ZNF445: variants seen among roughly 807,000 people sequenced by gnomAD.
ZNF445 encodes zinc finger protein 445.
ZNF445 carries 19 observed loss-of-function variants against 93.9 expected under a neutral mutation model. The observed-to-expected ratio is 0.20, with a 90% CI of 0.14 to 0.30. The LOEUF (loss-of-function observed/expected upper bound fraction) is 0.30, where lower values mean the gene tolerates loss of function less well. ZNF445 is among the 10% of genes least tolerant of loss of function. The probability of loss-of-function intolerance (pLI) is 1.00; values close to 1 mark genes in which losing one functional copy is unlikely to be tolerated. For synonymous variants in ZNF445, 449 were observed against 446.3 expected, an observed-to-expected ratio of 1.01 and a Z score of -0.08; for missense variants, 1,058 against 1,259.4, an observed-to-expected ratio of 0.84 and a Z score of 2.42.
intron 1 of ZNF445, among the ~76,000 whole-genome samples, chr3:44,463,138 G>T (rs982304435): frequency 7.9e-5 from 12 of 152,022 alleles, no homozygotes; most frequent in Non-Finnish European, 4.4e-5. Flanking sequence ...CCAGGCTCAA[G>T]AGATTCTTCT....
intron 6 of ZNF445, 78 bp from the exon 7 acceptor site, chr3:44,449,701 T>C (rs192459015): frequency 8.2e-7 from 1 of 1,219,964 alleles, no homozygotes; most frequent in Non-Finnish European, 1.2e-6. Context: ...GGGCCTGAAG[T>C]CCTGGTGGGA....
In ZNF445 at chr3:44,435,445, A is replaced by C. The variant is rs1697658374; in HGVS notation, c.*11130T>G. 1 of 152,202 alleles carries C rather than the reference A, an allele frequency of 6.6e-6. No homozygotes were observed. The highest frequency in any genetic ancestry group is 6.5e-5 in the Admixed American group (1 of 15,276). 9.4% of individuals were successfully genotyped at this position (152,202 alleles called of 1,614,324 possible). On this transcript the variant is annotated 3_prime_UTR_variant, in exon 8 of 8. Transcript: ENST00000396077. ...ATGTGGAAACAGCACCTGCACTTGGAATCACTAGTTAATTAAGTTTACAAT... is the reference window on the plus strand; with the variant it reads ...ATGTGGAAACAGCACCTGCACTTGGCATCACTAGTTAATTAAGTTTACAAT...
At chr3:44,461,342 G>A (rs959532752) in intron 1 of ZNF445, among the ~76,000 whole-genome samples, 3 of 150,082 alleles carry the variant, frequency 2.0e-5, no homozygotes, top group Non-Finnish European at 4.4e-5. Flanking sequence ...ACTCAATCAG[G>A]AAGATTTCGA....
chr3:44,443,451 T>C lies in ZNF445; in HGVS notation c.*3124A>G, dbSNP rs1489887664. 6.6e-6 allele frequency: 1 copy of C among 152,196 alleles called. No individual in the cohort carries two copies. The highest frequency in any genetic ancestry group is 1.5e-5 in the Non-Finnish European group (1 of 68,036). 9.4% of individuals were successfully genotyped at this position (152,196 alleles called of 1,614,324 possible). On this transcript the variant is annotated 3_prime_UTR_variant, in exon 8 of 8. Coordinates refer to ENST00000396077, the MANE Select transcript of ZNF445 (RefSeq NM_181489.6). ...TTTCTGTTCTTTTGGCCGGGCACAG[T>C]GGCTCACACCTGTAATCCCAGCATT...
chr3:44,475,700 T>C (rs866003959), intron 1 of ZNF445, among the ~76,000 whole-genome samples: 5 of 152,104 alleles, frequency 3.3e-5, no homozygotes, highest in Non-Finnish European at 7.4e-5. Flanking sequence ...AGCTGCTACA[T>C]AGTAATATAA....
intron 1 of ZNF445, among the ~76,000 whole-genome samples, chr3:44,469,300 C>G (rs1698234676): frequency 6.6e-6 from 1 of 152,180 alleles, no homozygotes; most frequent in African/African-American, 2.4e-5. Context: ...AAGATCCAGC[C>G]ACTTGCAATG....
At chr3:44,461,836 G>C (rs1290792421) in intron 1 of ZNF445, among the ~76,000 whole-genome samples, 1 of 152,246 alleles carries the variant, frequency 6.6e-6, no homozygotes, top group African/African-American at 2.4e-5. Context: ...AAACAGGAAA[G>C]AGTGACTTTC....
intron 1 of ZNF445, among the ~76,000 whole-genome samples, chr3:44,460,103 A>G (rs927212810): frequency 6.6e-6 from 1 of 152,240 alleles, no homozygotes; most frequent in Non-Finnish European, 1.5e-5. Context: ...AGACATTTAC[A>G]TGAGTGTACA....
At chr3:44,457,166 G>A (rs1365215543) in intron 2 of ZNF445, among the ~76,000 whole-genome samples, 1 of 152,150 alleles carries the variant, frequency 6.6e-6, no homozygotes, top group Non-Finnish European at 1.5e-5. Flanking sequence ...GTATATTTCG[G>A]GCTCTGAAGG....
At position 44,438,033 on chromosome 3, in the gene ZNF445, C is replaced by T. The variant is rs1287913103; in HGVS notation, c.*8542G>A. 1 of 152,600 alleles carries T rather than the reference C, an allele frequency of 6.6e-6. No individual in the cohort carries two copies. Among genetic ancestry groups the T allele is most frequent in the Non-Finnish European group, 1.5e-5 (1 of 68,028 alleles). 9.5% of individuals were successfully genotyped at this position (152,600 alleles called of 1,614,324 possible). On this transcript the variant is annotated 3_prime_UTR_variant, in exon 8 of 8. Coordinates refer to ENST00000396077, the MANE Select transcript of ZNF445 (RefSeq NM_181489.6). ...ACACTTTTACCCAGCCCCTATTCAA[C>T]ATGGAGTTGCTCTCGTTCCAATGCT... is the stretch of plus-strand genomic sequence containing the variant.
chr3:44,473,739 A>T (rs992609977), intron 1 of ZNF445, among the ~76,000 whole-genome samples: 16 of 152,148 alleles, frequency 1.1e-4, no homozygotes, highest in African/African-American at 3.9e-4. Flanking sequence ...ACTAAAAAAA[A>T]AAAAAAAAAT....
rs1405686913 is a variant in ZNF445 at position 44,444,815 on chromosome 3, C to A, written c.*1760G>T. ...ATACTCTACTGAAAAAGACATCTTC[C>A]AGGTTGGTTTCTTCTCATTTCAAGA... is the stretch of plus-strand genomic sequence containing the variant. On this transcript the variant is annotated 3_prime_UTR_variant, in exon 8 of 8. Coordinates refer to ENST00000396077, the MANE Select transcript of ZNF445 (RefSeq NM_181489.6). The A allele has an allele frequency of 6.6e-6, 1 of 152,214 alleles. No homozygotes were observed. The highest frequency in any genetic ancestry group is 1.5e-5 in the Non-Finnish European group (1 of 68,062). 9.4% of individuals were successfully genotyped at this position (152,214 alleles called of 1,614,324 possible). A position where few individuals can be genotyped will look rare whatever the true frequency, so the allele number is the denominator to read the frequency against.
At chr3:44,474,677 G>C (rs187600655) in intron 1 of ZNF445, among the ~76,000 whole-genome samples, 64 of 152,272 alleles carry the variant, frequency 4.2e-4, no homozygotes, top group African/African-American at 1.5e-3. Flanking sequence ...GAAAAAGAAT[G>C]CTTAAATAAA....
intron 1 of ZNF445, among the ~76,000 whole-genome samples, chr3:44,477,058 G>A: frequency 6.6e-6 from 1 of 152,134 alleles, no homozygotes; most frequent in East Asian, 1.9e-4. Context: ...ACTTCCAAAT[G>A]GTTAAATGGT....
rs1365907250 is a variant in ZNF445, at chr3:44,440,079, G to A, written c.*6496C>T. The A allele has an allele frequency of 6.6e-6, 1 of 152,186 alleles. No homozygotes were observed. Among genetic ancestry groups the A allele is most frequent in the African/African-American group, 2.4e-5 (1 of 41,424 alleles). 9.4% of individuals were successfully genotyped at this position (152,186 alleles called of 1,614,324 possible). On this transcript the variant is annotated 3_prime_UTR_variant, in exon 8 of 8. Coordinates refer to ENST00000396077, the MANE Select transcript of ZNF445 (RefSeq NM_181489.6). ...ACTCTATTCTAGCTCCCCCAGTCCTGGGGTGGCAGCTGCTTAGCAGTTGCT... is the reference window on the plus strand; with the variant it reads ...ACTCTATTCTAGCTCCCCCAGTCCTAGGGTGGCAGCTGCTTAGCAGTTGCT...
At chr3:44,467,433 T>A (rs1698210776) in intron 1 of ZNF445, among the ~76,000 whole-genome samples, 2 of 152,178 alleles carry the variant, frequency 1.3e-5, no homozygotes, top group African/African-American at 2.4e-5. Flanking sequence ...TGTTGGGGAA[T>A]CTGGCCTCAT....
At chr3:44,449,452 C>G (rs1697928059) in intron 7 of ZNF445, 61 bp downstream of exon 7, 1 of 1,349,686 alleles carries the variant, frequency 7.4e-7, no homozygotes, top group South Asian at 1.2e-5. Context: ...TGTAACTGAC[C>G]TTAAGAAAGA....
chr3:44,473,385 C>A (rs1698298195), intron 1 of ZNF445, among the ~76,000 whole-genome samples: 1 of 150,382 alleles, frequency 6.6e-6, no homozygotes, highest in African/African-American at 2.5e-5. Flanking sequence ...ACCCAGGAGG[C>A]GGAGGTTGCA....
At position 44,442,469 on chromosome 3, in the gene ZNF445, TTACCCACACTTG is replaced by T. The variant is rs1697824202; in HGVS notation, c.*4094_*4105del. On this transcript the variant is annotated 3_prime_UTR_variant, in exon 8 of 8. Coordinates refer to ENST00000396077, the MANE Select transcript of ZNF445 (RefSeq NM_181489.6). ...TGTGAATTATCGTTGTTCCACGCAC[TTACCCACACTTG>T]GGCTTTCAAAAATGTGCCAGCTTTC... 1 of 152,244 alleles carries T rather than the reference TTACCCACACTTG, an allele frequency of 6.6e-6. No homozygotes were observed. Among genetic ancestry groups the T allele is most frequent in the East Asian group, 1.9e-4 (1 of 5,200 alleles). 9.4% of individuals were successfully genotyped at this position (152,244 alleles called of 1,614,324 possible).
Sources: allele counts gnomAD v4.1 joint callset (sites outside exome capture counted in the v4.1 genomes callset), GRCh38; gene constraint gnomAD v4.1.1; transcripts MANE v1.5; gene names NCBI Gene and HGNC (gene_info 2026-07-23, HGNC 2026-07-21).